The following POLDIP3 variants were observed in gnomAD, a reference collection of about 807,000 sequenced individuals.
POLDIP3 encodes the protein polymerase delta-interacting protein 3.
A neutral mutation model predicts 45.1 loss-of-function variants in POLDIP3; 14 were observed. The ratio of observed to expected loss-of-function variants is 0.31; its 90% CI spans 0.20 to 0.49. The LOEUF is 0.49. Among genes scored for constraint, POLDIP3 ranks in the 20% least tolerant of loss-of-function variants. The pLI is 0.99. For missense variants in POLDIP3, 511 were observed against 538.8 expected (o/e 0.95, Z 0.51); for synonymous variants, 223 against 205.2 (o/e 1.09, Z -0.74).
chr22:42,608,258 C>T (rs1190456556), intron 1 of POLDIP3, among the ~76,000 whole-genome samples: 1 of 129,998 alleles, frequency 7.7e-6, no homozygotes, highest in Admixed American at 7.4e-5. Flanking sequence ...ACCTTACCCC[C>T]CCCCCCAAAA....
intron 7 of POLDIP3, among the ~76,000 whole-genome samples, chr22:42,588,313 G>A (rs1404621731): frequency 6.6e-6 from 1 of 151,908 alleles, no homozygotes; most frequent in African/African-American, 2.4e-5. Flanking sequence ...AAATTAGCTG[G>A]GTGTGGTGGC....
chr22:42,600,799 GTC>G (rs1392447745), intron 3 of POLDIP3, among the ~76,000 whole-genome samples: 1 of 151,962 alleles, frequency 6.6e-6, no homozygotes, highest in African/African-American at 2.4e-5. Flanking sequence ...GAGAAACACC[GTC>G]TCTACTAAAA....
intron 2 of POLDIP3, 33 bp from the exon 3 acceptor site, chr22:42,602,089 C>T: frequency 1.9e-6 from 3 of 1,613,938 alleles, no homozygotes; most frequent in Non-Finnish European, 2.5e-6. Context: ...ATCCACCCCA[C>T]AGGGTCCACA....
intron 1 of POLDIP3, among the ~76,000 whole-genome samples, chr22:42,608,261 C>CT (rs1254064336): frequency 1.5e-5 from 2 of 131,298 alleles, no homozygotes; most frequent in African/African-American, 3.1e-5. Context: ...TTACCCCCCC[C>CT]CCCAAAAAAA....
chr22:42,603,102 G>A lies in POLDIP3; in HGVS notation c.118C>T (p.Leu40Phe), dbSNP rs1446388839. 1 of 1,614,144 alleles carries A rather than the reference G, an allele frequency of 6.2e-7. No homozygotes were observed. Among genetic ancestry groups the A allele is most frequent in the East Asian group, 2.2e-5 (1 of 44,884 alleles). ...GCTGTGCGTGTTGACTGGCTGAGAAGGCCTTGCTGGATCCCAACTCGAGAT... is the reference window on the plus strand; with the variant it reads ...GCTGTGCGTGTTGACTGGCTGAGAAAGCCTTGCTGGATCCCAACTCGAGAT... ...VRSRVGIQQG[L>F]LSQSTRTATF... The change falls in exon 2 of 9, where the codon CTT becomes TTT. Residue 40 changes from leucine to phenylalanine, a missense_variant. Physicochemically the swap from Leu to Phe is conservative, Grantham distance 22 (BLOSUM62 0). Coordinates refer to ENST00000252115, the MANE Select transcript of POLDIP3 (RefSeq NM_032311.5).
At position 42,602,070 on chromosome 22, in the gene POLDIP3, G is replaced by C. The variant is rs749690376; in HGVS notation, c.451-14C>G. The C allele has an allele frequency of 6.2e-6, 10 of 1,614,112 alleles. No homozygotes were observed. In the South Asian group the frequency reaches 1.1e-4, roughly 18 times the overall value. On this transcript the variant is annotated splice_polypyrimidine_tract_variant and intron_variant, in intron 2 of 8. Transcript: ENST00000252115. ...CTGCTGTGGAACCTGGAAACACTCA[G>C]TGGTCAGAATCCACCCCACAGGGTC...
chr22:42,603,960 G>A (rs894334117), intron 1 of POLDIP3, among the ~76,000 whole-genome samples: 2 of 152,130 alleles, frequency 1.3e-5, no homozygotes, highest in African/African-American at 4.8e-5. Flanking sequence ...AACTGGAAAT[G>A]AATGAAACTC....
chr22:42,614,741 G>C, intron 1 of POLDIP3, 58 bp downstream of exon 1: 3 of 1,574,046 alleles, frequency 1.9e-6, no homozygotes, highest in Non-Finnish European at 2.6e-6. Flanking sequence ...TACCTCCCCC[G>C]CCTCGAGCTC....
chr22:42,614,145 G>C (rs563448900), intron 1 of POLDIP3, among the ~76,000 whole-genome samples: 3 of 152,110 alleles, frequency 2.0e-5, no homozygotes, highest in African/African-American at 7.2e-5. Context: ...TCAGTTCTCC[G>C]TGGCCTCGGG....
intron 7 of POLDIP3, among the ~76,000 whole-genome samples, chr22:42,589,199 T>C (rs537003590): frequency 4.0e-5 from 6 of 148,934 alleles, no homozygotes; most frequent in Non-Finnish European, 8.9e-5. Context: ...GCCAAGATCA[T>C]GCCACTGCAT....
intron 4 of POLDIP3, among the ~76,000 whole-genome samples, chr22:42,597,445 C>G (rs1277728023): frequency 6.6e-6 from 1 of 152,162 alleles, no homozygotes; most frequent in African/African-American, 2.4e-5. Context: ...TGGGACAGCA[C>G]AGTGACTCCA....
At chr22:42,610,203 T>C (rs1302272533) in intron 1 of POLDIP3, among the ~76,000 whole-genome samples, 1 of 152,078 alleles carries the variant, frequency 6.6e-6, no homozygotes, top group Non-Finnish European at 1.5e-5. Flanking sequence ...TAAAATACTA[T>C]CCCCTTACCC....
chr22:42,591,845 C>T, intron 7 of POLDIP3, 110 bp downstream of exon 7: 1 of 1,429,474 alleles, frequency 7.0e-7, no homozygotes, highest in South Asian at 1.3e-5. Flanking sequence ...AGACGAGGCC[C>T]CAGAGATGGG....
chr22:42,608,602 G>A lies in POLDIP3; in HGVS notation c.60-5442C>T, dbSNP rs149411901. Among the ~76,000 whole-genome samples the A allele has an allele frequency of 2.9e-3, 435 of 152,168 alleles. 2 individuals are homozygous for A. Among genetic ancestry groups the A allele is most frequent in the African/African-American group, 9.5e-3 (395 of 41,510 alleles). ...CAGGCTGAAGAAATCTTAGGACTCC[G>A]GTCATGCCCAGGGATACGGAGCACT... On this transcript the variant is annotated intron_variant, in intron 1 of 8. Coordinates refer to ENST00000252115, the MANE Select transcript of POLDIP3 (RefSeq NM_032311.5).
chr22:42,612,197 A>G (rs2146840579), intron 1 of POLDIP3, among the ~76,000 whole-genome samples: 1 of 152,354 alleles, frequency 6.6e-6, no homozygotes, highest in South Asian at 2.1e-4. Flanking sequence ...AATGACAATA[A>G]CGAAAGCTAA....
At chr22:42,591,545 TAA>T (rs1925669715) in intron 7 of POLDIP3, among the ~76,000 whole-genome samples, 1 of 152,092 alleles carries the variant, frequency 6.6e-6, no homozygotes, top group African/African-American at 2.4e-5. Context: ...CTCAAGTCAA[TAA>T]AGTCTGTTGT....
chr22:42,602,727 G>A (rs1389657097), intron 2 of POLDIP3, 43 bp downstream of exon 2: 6 of 1,550,032 alleles, frequency 3.9e-6, no homozygotes, highest in African/African-American at 1.4e-5. Context: ...ATCTACCTTT[G>A]TTACTAGCTT....
chr22:42,584,427 T>G lies in POLDIP3; in HGVS notation c.*1364A>C, dbSNP rs765282786. The G allele has an allele frequency of 3.0e-5, 5 of 165,958 alleles. No individual in the cohort carries two copies. The highest frequency in any genetic ancestry group is 6.7e-5 in the Non-Finnish European group (5 of 75,172). The allele number at this position is 165,958 out of a possible 1,614,324, so 10.3% of individuals were successfully genotyped here. On this transcript the variant is annotated 3_prime_UTR_variant, in exon 9 of 9. Transcript: ENST00000252115. ...TCTGGTTTTTTTCACTGGGCTAGCC[T>G]CAAGCAAATCTTGGGAGCTCTTGAG...
Position 42,590,395 on chromosome 22 carries a change from G to A in POLDIP3, c.1021+1560C>T, listed in dbSNP as rs554875505. Among the ~76,000 whole-genome samples the A allele has an allele frequency of 1.8e-4, 28 of 152,154 alleles. No homozygotes were observed. The East Asian group carries it at 4.6e-3, about 25-fold the overall frequency. On this transcript the variant is annotated intron_variant, in intron 7 of 8. Transcript: ENST00000252115. The stretch of plus-strand genomic sequence containing the variant: ...GACAGGGTCTTGCCACGTTGCACAG[G>A]TTGGTCTCAAGTTTCTAGGCTCAAG...
Sources: allele counts gnomAD v4.1 joint callset (sites outside exome capture counted in the v4.1 genomes callset), GRCh38; gene constraint gnomAD v4.1.1; transcripts MANE v1.5; gene names NCBI Gene and HGNC (gene_info 2026-07-23, HGNC 2026-07-21).